PCDHGB2: variants seen among roughly 807,000 people sequenced by gnomAD.
The protein encoded by PCDHGB2 is protocadherin gamma-B2.
PCDHGB2 carries 55 observed loss-of-function variants against 59.3 expected under a neutral mutation model. The observed-to-expected ratio is 0.93, with a 90% CI of 0.75 to 1.16. PCDHGB2 has a LOEUF of 1.16. Ranked by LOEUF, PCDHGB2 falls within the 50% of genes most tolerant of loss-of-function variation. The probability of loss-of-function intolerance (pLI) is 0.00; values close to 1 mark genes in which losing one functional copy is unlikely to be tolerated. For missense variants in PCDHGB2, 1,228 were observed against 1,198.5 expected, an observed-to-expected ratio of 1.02 and a Z score of -0.36; for synonymous variants, 516 against 512.0, an observed-to-expected ratio of 1.01 and a Z score of -0.11.
rs759272109 is a variant in PCDHGB2, at chr5:141,420,170, G to A, written c.2421+57614G>A. ...TCCAGAATTTAATTTTTTCACATCTGTTGATCATTGTCCAGCCACACAAGA... is the reference window on the plus strand; with the variant it reads ...TCCAGAATTTAATTTTTTCACATCTATTGATCATTGTCCAGCCACACAAGA... On this transcript the variant is annotated intron_variant, in intron 1 of 3. Coordinates refer to ENST00000522605, the MANE Select transcript of PCDHGB2 (RefSeq NM_018923.3). 22 of 1,613,846 alleles carry A rather than the reference G, an allele frequency of 1.4e-5. No homozygotes were observed. Among genetic ancestry groups the A allele is most frequent in the Non-Finnish European group, 1.8e-5 (21 of 1,179,888 alleles).
chr5:141,480,827 A>G (rs1455065731), intron 1 of PCDHGB2, among the ~76,000 whole-genome samples: 2 of 152,212 alleles, frequency 1.3e-5, no homozygotes, highest in Admixed American at 6.5e-5. Context: ...TGGGTGGATC[A>G]TAAGATCAGG....
At chr5:141,414,117 A>T (rs764001135) in intron 1 of PCDHGB2, 2 of 1,592,602 alleles carry the variant, frequency 1.3e-6, no homozygotes, top group Non-Finnish European at 1.7e-6. Flanking sequence ...TAGATTATGA[A>T]GAAACCGGTT....
chr5:141,419,579 C>G (rs759041306), intron 1 of PCDHGB2: 11 of 1,611,812 alleles, frequency 6.8e-6, no homozygotes, highest in Non-Finnish European at 9.3e-6. Flanking sequence ...CGGCTCCGCG[C>G]TCTTCGACAC....
chr5:141,419,522 C>A, intron 1 of PCDHGB2: 4 of 1,612,178 alleles, frequency 2.5e-6, no homozygotes, highest in Non-Finnish European at 3.4e-6. Context: ...GGTGGGCGAC[C>A]GTAACGACAA....
At chr5:141,478,039 G>A (rs764777183) in intron 1 of PCDHGB2, 29 of 1,613,978 alleles carry the variant, frequency 1.8e-5, no homozygotes, top group Non-Finnish European at 2.5e-5. Flanking sequence ...ATTCACCCAG[G>A]CAGACTCTCA....
intron 2 of PCDHGB2, among the ~76,000 whole-genome samples, chr5:141,499,314 A>C (rs2099791047): frequency 6.6e-6 from 1 of 152,238 alleles, no homozygotes; most frequent in Non-Finnish European, 1.5e-5. Context: ...TCTGAGAGAC[A>C]GTATCCCTGC....
chr5:141,364,186 T>A, intron 1 of PCDHGB2: 18 of 1,005,938 alleles, frequency 1.8e-5, no homozygotes, highest in Non-Finnish European at 2.5e-5. Flanking sequence ...CCCTCCATAC[T>A]AAACACACAG....
intron 1 of PCDHGB2, among the ~76,000 whole-genome samples, chr5:141,420,742 A>T (rs967908996): frequency 6.6e-6 from 1 of 152,254 alleles, no homozygotes; most frequent in African/African-American, 2.4e-5. Flanking sequence ...AATCAATTGG[A>T]ACCAACTACA....
Position 141,389,309 on chromosome 5 carries a change from T to G in PCDHGB2, c.2421+26753T>G, listed in dbSNP as rs763262842. Reference sequence around the variant, plus strand: ...CCTCTATTTCACAAGTCAGGGCTTCTGATCCGGACTTGGGGCCCAACGGCC... The same window carrying G: ...CCTCTATTTCACAAGTCAGGGCTTCGGATCCGGACTTGGGGCCCAACGGCC... On this transcript the variant is annotated intron_variant, in intron 1 of 3. Transcript: ENST00000522605. 8 of 1,614,018 alleles carry G rather than the reference T, an allele frequency of 5.0e-6. No individual in the cohort carries two copies. The South Asian group carries it at 5.5e-5, about 11-fold the overall frequency.
intron 1 of PCDHGB2, among the ~76,000 whole-genome samples, chr5:141,467,790 C>T (rs1321576171): frequency 6.6e-6 from 1 of 152,118 alleles, no homozygotes; most frequent in Non-Finnish European, 1.5e-5. Context: ...TCTCAAGTAG[C>T]TGGGACTACA....
intron 1 of PCDHGB2, among the ~76,000 whole-genome samples, chr5:141,470,714 T>C (rs1416956410): frequency 1.3e-5 from 2 of 152,152 alleles, no homozygotes; most frequent in Non-Finnish European, 2.9e-5. Context: ...TTTTATTTTT[T>C]TGAGTCAGGG....
chr5:141,395,538 TTGTTTG>T (rs1338769311), intron 1 of PCDHGB2: 4 of 225,774 alleles, frequency 1.8e-5, no homozygotes, highest in African/African-American at 1.7e-4. Flanking sequence ...AATTTTGCTA[TTGTTTG>T]TGTGTGTGTG....
intron 1 of PCDHGB2, among the ~76,000 whole-genome samples, chr5:141,369,456 C>T (rs920730246): frequency 5.3e-5 from 8 of 152,070 alleles, no homozygotes; most frequent in Non-Finnish European, 8.8e-5. Flanking sequence ...TGCTTAAAGC[C>T]AGGTGTTCTA....
chr5:141,372,307 C>T, intron 1 of PCDHGB2: 3 of 1,613,452 alleles, frequency 1.9e-6, no homozygotes, highest in Non-Finnish European at 2.5e-6. Context: ...AGGGAGGCCG[C>T]CCGCCAGCGC....
At chr5:141,388,710 G>T in intron 1 of PCDHGB2, 1 of 1,613,966 alleles carries the variant, frequency 6.2e-7, no homozygotes, top group Non-Finnish European at 8.5e-7. Context: ...TGTCAATGCC[G>T]AGATTACTTT....
chr5:141,504,200 G>C (rs1232187138), intron 2 of PCDHGB2, among the ~76,000 whole-genome samples: 1 of 152,154 alleles, frequency 6.6e-6, no homozygotes, highest in Non-Finnish European at 1.5e-5. Context: ...TTGTCACTGT[G>C]GGAAAATTCC....
At position 141,491,084 on chromosome 5, in the gene PCDHGB2, C is replaced by T; in HGVS notation, c.2422-3723C>T. On this transcript the variant is annotated intron_variant, in intron 1 of 3. Transcript: ENST00000522605. This position sits in a 1 kb window ranked among gnomAD's most constrained non-coding sequence, Gnocchi z 6.9. ...TACTCACTGTTGCCACAGTCCACAGCCCCAGGACTGTTCCTCGTGTCTACA... is the reference window on the plus strand; with the variant it reads ...TACTCACTGTTGCCACAGTCCACAGTCCCAGGACTGTTCCTCGTGTCTACA... The T allele has an allele frequency of 6.2e-7, 1 of 1,614,106 alleles. No homozygotes were observed. The highest frequency in any genetic ancestry group is 1.1e-5 in the South Asian group (1 of 91,082).
At position 141,477,744 on chromosome 5, in the gene PCDHGB2, G is replaced by A; in HGVS notation, c.2422-17063G>A. On this transcript the variant is annotated intron_variant, in intron 1 of 3. Coordinates refer to ENST00000522605, the MANE Select transcript of PCDHGB2 (RefSeq NM_018923.3). The surrounding 1 kb of genome is among the most constrained non-coding windows in gnomAD (Gnocchi z 4.9). Reference sequence around the variant, plus strand: ...TTAACAGCTCATATCAGCGATGGGGGCACCCCGGTCCTAGCCACCAACATC... The same window carrying A: ...TTAACAGCTCATATCAGCGATGGGGACACCCCGGTCCTAGCCACCAACATC... 6.2e-7 allele frequency: 1 copy of A among 1,613,778 alleles called. No homozygotes were observed. The highest frequency in any genetic ancestry group is 8.5e-7 in the Non-Finnish European group (1 of 1,180,028).
chr5:141,373,718 CA>C, intron 1 of PCDHGB2, among the ~76,000 whole-genome samples: 1 of 152,310 alleles, frequency 6.6e-6, no homozygotes, highest in East Asian at 1.9e-4. Context: ...TAATCTCTTA[CA>C]CTCTTCTAAA....
Sources: gnomAD v4.1 joint callset for allele counts (sites outside exome capture counted in the v4.1 genomes callset) on GRCh38, gnomAD v4.1.1 for gene constraint, Gnocchi (gnomAD v3.1) non-coding constraint, MANE v1.5 for transcripts, NCBI Gene and HGNC (gene_info 2026-07-23, HGNC 2026-07-21) for gene names.